Variants in CHD2 observed in about 807,000 individuals in gnomAD.
The protein encoded by CHD2 is chromodomain helicase DNA binding protein 2, also known as ATP-dependent chromatin remodeler CHD2.
Under a neutral mutation model 243.9 loss-of-function variants are expected in CHD2, and 28 were observed. The observed-to-expected ratio is 0.11, with a 90% CI of 0.09 to 0.16. The LOEUF (loss-of-function observed/expected upper bound fraction) is 0.16, where lower values mean the gene tolerates loss of function less well. CHD2 is among the 10% of genes least tolerant of loss of function. The pLI is 1.00. For synonymous variants in CHD2, 775 were observed against 779.0 expected (o/e 0.99, Z 0.09); for missense variants, 1,386 against 2,209.8 (o/e 0.63, Z 7.47).
intron 6 of CHD2, 102 bp from the exon 7 acceptor site, chr15:92,939,476 C>T: frequency 8.3e-7 from 1 of 1,209,940 alleles, no homozygotes; most frequent in Non-Finnish European, 1.1e-6. Flanking sequence ...TGAAATGTTA[C>T]ATTCTGATGT....
At chr15:92,976,092 T>C (rs1322266575) in intron 20 of CHD2, among the ~76,000 whole-genome samples, 1 of 152,238 alleles carries the variant, frequency 6.6e-6, no homozygotes, top group Non-Finnish European at 1.5e-5. Flanking sequence ...ATATCTGCTA[T>C]TTTTATCATG....
chr15:92,990,295 C>T (rs1427583928), intron 26 of CHD2, among the ~76,000 whole-genome samples: 1 of 152,184 alleles, frequency 6.6e-6, no homozygotes, highest in Non-Finnish European at 1.5e-5. Flanking sequence ...TGAAGGCTGT[C>T]ATGCAGCTGG....
intron 16 of CHD2, 54 bp from the exon 17 acceptor site, chr15:92,967,271 C>T: frequency 2.4e-4 from 300 of 1,256,506 alleles, no homozygotes; most frequent in South Asian, 1.0e-3. Flanking sequence ...GTTTTTTTTC[C>T]TATTCTTCTT....
chr15:93,010,410 A>ATTT (rs34163529), intron 35 of CHD2, among the ~76,000 whole-genome samples: 1 of 143,044 alleles, frequency 7.0e-6, no homozygotes, highest in African/African-American at 2.6e-5. Context: ...ATGACTGGAA[A>ATTT]TTTTTTTTTT....
intron 38 of CHD2, among the ~76,000 whole-genome samples, chr15:93,022,810 T>C (rs903548937): frequency 6.6e-6 from 1 of 152,218 alleles, no homozygotes; most frequent in Non-Finnish European, 1.5e-5. Context: ...TATCTCATGA[T>C]AGTGAACAGG....
At chr15:92,929,708 G>A (rs1413204503) in intron 5 of CHD2, among the ~76,000 whole-genome samples, 1 of 151,124 alleles carries the variant, frequency 6.6e-6, no homozygotes, top group Non-Finnish European at 1.5e-5. Context: ...GAGAGGGTGT[G>A]GATCCCGTTG....
chr15:92,969,204 G>A (rs563380631), intron 17 of CHD2, among the ~76,000 whole-genome samples: 3 of 152,318 alleles, frequency 2.0e-5, no homozygotes, highest in African/African-American at 7.2e-5. Flanking sequence ...GTTTACTTAA[G>A]TTGATTTAGT....
Position 93,024,713 on chromosome 15 carries a change from C to A in CHD2, c.*8C>A. ...AATGTTCGGAAAACATAAAGGACAG[C>A]TCGTAAAGGAGAGAGTAAGAGTCAC... On this transcript the variant is annotated 3_prime_UTR_variant, in exon 39 of 39. Transcript: ENST00000394196. 6.3e-7 allele frequency: 1 copy of A among 1,599,684 alleles called. No individual in the cohort carries two copies.
At chr15:92,940,964 A>AAATAT (rs1419374525) in intron 7 of CHD2, among the ~76,000 whole-genome samples, 4 of 29,962 alleles carry the variant, frequency 1.3e-4, no homozygotes, top group African/African-American at 1.7e-4. Flanking sequence ...AATATATATA[A>AAATAT]ATATAAATAT....
At chr15:93,017,902 G>A (rs148286893) in intron 37 of CHD2, among the ~76,000 whole-genome samples, 3 of 152,214 alleles carry the variant, frequency 2.0e-5, no homozygotes, top group African/African-American at 4.8e-5. Flanking sequence ...CTGTTTTTGT[G>A]TTTTGTATAC....
chr15:92,924,886 C>A (rs1249844089), intron 3 of CHD2, among the ~76,000 whole-genome samples: 1 of 152,036 alleles, frequency 6.6e-6, no homozygotes, highest in Admixed American at 6.6e-5. Flanking sequence ...CTGCAATCTC[C>A]GCCTCCCAGG....
chr15:92,988,104 C>T lies in CHD2; in HGVS notation c.3413+2431C>T, dbSNP rs192896065. On this transcript the variant is annotated intron_variant, in intron 26 of 38. Coordinates refer to ENST00000394196, the MANE Select transcript of CHD2 (RefSeq NM_001271.4). The stretch of plus-strand genomic sequence containing the variant: ...TCTCTTTTTTTTTTTTCTTTTGAGA[C>T]GGAGTTTTGCTCTTCTCACCAAGGC... Among the ~76,000 whole-genome samples the T allele has an allele frequency of 4.7e-5, 7 of 149,996 alleles. No homozygotes were observed. In the East Asian group the frequency reaches 9.7e-4, roughly 21 times the overall value.
intron 28 of CHD2, among the ~76,000 whole-genome samples, chr15:92,996,725 A>G (rs985168436): frequency 6.6e-6 from 1 of 152,236 alleles, no homozygotes; most frequent in South Asian, 2.1e-4. Flanking sequence ...AAATACAACT[A>G]TAAACATCAG....
At chr15:92,985,315 T>C (rs2054028475) in intron 25 of CHD2, among the ~76,000 whole-genome samples, 183 bp from the exon 26 acceptor site, 1 of 152,256 alleles carries the variant, frequency 6.6e-6, no homozygotes, top group African/African-American at 2.4e-5. Context: ...TCTCTGAAAG[T>C]ATGACTGTCC....
chr15:92,924,592 T>C (rs2053021648), intron 3 of CHD2, 40 bp downstream of exon 3: 1 of 1,542,328 alleles, frequency 6.5e-7, no homozygotes, highest in South Asian at 1.1e-5. Context: ...GCTGCTAGCC[T>C]AGGACAAGCT....
Position 92,900,571 on chromosome 15 carries a change from G to A in CHD2, c.-325G>A. On this transcript the variant is annotated 5_prime_UTR_variant, in exon 1 of 39. Transcript: ENST00000394196. ...AGCAGCCGTACTGAGAGCCCAGGTCGTTGTTTTTTCCAGCTTAGAAGCCAT... is the reference window on the plus strand; with the variant it reads ...AGCAGCCGTACTGAGAGCCCAGGTCATTGTTTTTTCCAGCTTAGAAGCCAT... The A allele has an allele frequency of 2.5e-6, 1 of 398,562 alleles. No individual in the cohort carries two copies. The highest frequency in any genetic ancestry group is 4.4e-6 in the Non-Finnish European group (1 of 226,048). 24.7% of individuals were successfully genotyped at this position (398,562 alleles called of 1,614,324 possible).
At chr15:93,002,422 T>C in intron 33 of CHD2, 105 bp downstream of exon 33, 1 of 1,514,532 alleles carries the variant, frequency 6.6e-7, no homozygotes, top group African/African-American at 1.4e-5. Flanking sequence ...ATTGTCTTTT[T>C]ATGGGTATGT....
At chr15:92,966,975 T>G (rs1200267016) in intron 16 of CHD2, among the ~76,000 whole-genome samples, 1 of 152,064 alleles carries the variant, frequency 6.6e-6, no homozygotes, top group Non-Finnish European at 1.5e-5. Flanking sequence ...TTGAGGCTGT[T>G]GTATCCATTG....
chr15:92,925,412 A>C (rs576666099), intron 3 of CHD2, among the ~76,000 whole-genome samples: 1 of 152,360 alleles, frequency 6.6e-6, no homozygotes, highest in East Asian at 1.9e-4. Context: ...ATAAGAACAC[A>C]AGATAATTTT....
Sources: gnomAD v4.1 joint callset for allele counts (sites outside exome capture counted in the v4.1 genomes callset) on GRCh38, gnomAD v4.1.1 for gene constraint, MANE v1.5 for transcripts, NCBI Gene and HGNC (gene_info 2026-07-23, HGNC 2026-07-21) for gene names.